SLC9C1: variants seen among roughly 807,000 people sequenced by gnomAD.
SLC9C1 encodes solute carrier family 9 member C1, also known as sodium/hydrogen exchanger 10.
Under a neutral mutation model 140.9 loss-of-function variants are expected in SLC9C1, and 97 were observed. The observed-to-expected ratio is 0.69, with a 90% CI of 0.58 to 0.82. The LOEUF (loss-of-function observed/expected upper bound fraction) is 0.82. Ranked by LOEUF, SLC9C1 falls within the 40% of genes least tolerant of loss-of-function variation. The pLI is 0.00. For synonymous variants in SLC9C1, 440 were observed against 442.6 expected (o/e 0.99, Z 0.07); for missense variants, 1,340 against 1,389.3 (o/e 0.96, Z 0.56).
In SLC9C1 at chr3:112,148,601, C is replaced by T. The variant is rs78768911; in HGVS notation, c.3524+3256G>A. On this transcript the variant is annotated intron_variant, in intron 28 of 28. Coordinates refer to ENST00000305815, the MANE Select transcript of SLC9C1 (RefSeq NM_183061.3). ...TTTTATATTGGGCTGTGCAGTTCAT[C>T]GTACAAGCCTGTAGATGGTACTTAC... 8.1e-3 allele frequency among the ~76,000 whole-genome samples: 1,229 copies of T among 152,236 alleles called. 12 individuals carry two copies. The highest frequency in any genetic ancestry group is 0.013 in the South Asian group (62 of 4,818).
chr3:112,240,110 T>C, intron 11 of SLC9C1, 104 bp from the exon 12 acceptor site: 1 of 1,090,686 alleles, frequency 9.2e-7, no homozygotes, highest in Non-Finnish European at 1.3e-6. Context: ...AATCTTTAAA[T>C]AAAATTTCAA....
intron 28 of SLC9C1, among the ~76,000 whole-genome samples, chr3:112,148,968 G>T (rs564846520): frequency 6.6e-6 from 1 of 152,158 alleles, no homozygotes; most frequent in Non-Finnish European, 1.5e-5. Flanking sequence ...TAATCTAGAA[G>T]AGTGGGTGCT....
At chr3:112,149,878 A>G (rs942540432) in intron 28 of SLC9C1, among the ~76,000 whole-genome samples, 3 of 151,966 alleles carry the variant, frequency 2.0e-5, no homozygotes, top group Admixed American at 2.0e-4. Context: ...TGAGTGCTCC[A>G]CATACCTGCA....
chr3:112,231,528 T>A, intron 12 of SLC9C1, 42 bp from the exon 13 acceptor site: 1 of 1,544,540 alleles, frequency 6.5e-7, no homozygotes, highest in Non-Finnish European at 8.8e-7. Flanking sequence ...TACATGAATA[T>A]TAACATATTG....
chr3:112,182,568 T>C (rs2077458740), intron 20 of SLC9C1, among the ~76,000 whole-genome samples: 1 of 152,180 alleles, frequency 6.6e-6, no homozygotes, highest in South Asian at 2.1e-4. Flanking sequence ...CTTAGGTAGT[T>C]TTCCCTATGA....
intron 13 of SLC9C1, among the ~76,000 whole-genome samples, chr3:112,226,318 T>A (rs2078681129): frequency 6.6e-6 from 1 of 152,114 alleles, no homozygotes; most frequent in African/African-American, 2.4e-5. Context: ...ATTAAGAAGG[T>A]AATTCTTTAT....
chr3:112,245,757 G>A (rs76822234), intron 10 of SLC9C1, among the ~76,000 whole-genome samples: 6,063 of 151,988 alleles, frequency 0.04, 188 homozygotes, highest in South Asian at 0.089. Context: ...AAATCTTCTG[G>A]GATTGGAATT....
chr3:112,158,256 T>C (rs1030020783), intron 26 of SLC9C1, among the ~76,000 whole-genome samples: 1 of 152,104 alleles, frequency 6.6e-6, no homozygotes, highest in East Asian at 1.9e-4. Context: ...TGAATACTTA[T>C]TCTGCATTTA....
chr3:112,151,991 A>T (rs770445835), intron 27 of SLC9C1, 28 bp from the exon 28 acceptor site: 1 of 1,552,490 alleles, frequency 6.4e-7, no homozygotes, highest in African/African-American at 1.4e-5. Flanking sequence ...TTGTTACTTG[A>T]TGTCATGATA....
chr3:112,259,074 G>A (rs1559724730), intron 10 of SLC9C1, among the ~76,000 whole-genome samples: 1 of 152,026 alleles, frequency 6.6e-6, no homozygotes, highest in Non-Finnish European at 1.5e-5. Flanking sequence ...ATGAGATTTG[G>A]GTGGGGACAC....
At chr3:112,171,803 A>T (rs2077251923) in intron 23 of SLC9C1, among the ~76,000 whole-genome samples, 1 of 152,210 alleles carries the variant, frequency 6.6e-6, no homozygotes, top group Non-Finnish European at 1.5e-5. Flanking sequence ...GTACATGGGG[A>T]TCAAGGTTCA....
intron 7 of SLC9C1, among the ~76,000 whole-genome samples, chr3:112,268,843 G>C (rs1576487351): frequency 6.6e-6 from 1 of 152,244 alleles, no homozygotes; most frequent in East Asian, 1.9e-4. Flanking sequence ...AGGTAACTAG[G>C]TGTTATCTTG....
At chr3:112,239,077 G>GT (rs2079070572) in intron 12 of SLC9C1, among the ~76,000 whole-genome samples, 1 of 152,220 alleles carries the variant, frequency 6.6e-6, no homozygotes, top group Admixed American at 6.5e-5. Flanking sequence ...GAGGCAGGCA[G>GT]GCCTCCTTGA....
intron 13 of SLC9C1, among the ~76,000 whole-genome samples, chr3:112,228,910 T>A (rs540440476): frequency 2.0e-5 from 3 of 151,986 alleles, no homozygotes. Flanking sequence ...ATAGCCAAGA[T>A]AAACAATCAA....
intron 19 of SLC9C1, among the ~76,000 whole-genome samples, chr3:112,199,760 A>G (rs1295045368): frequency 6.6e-6 from 1 of 152,016 alleles, no homozygotes; most frequent in Admixed American, 6.6e-5. Flanking sequence ...ACTGGACACT[A>G]GGAGGCTGCT....
intron 13 of SLC9C1, among the ~76,000 whole-genome samples, chr3:112,223,825 T>C (rs1329041484): frequency 6.6e-6 from 1 of 152,192 alleles, no homozygotes; most frequent in African/African-American, 2.4e-5. Context: ...ACTGAAGACA[T>C]ACAGATAAAT....
chr3:112,241,107 ATAATT>A (rs1162466371), intron 11 of SLC9C1, among the ~76,000 whole-genome samples: 3 of 152,314 alleles, frequency 2.0e-5, no homozygotes, highest in Middle Eastern at 3.4e-3. Context: ...CATTTTAAGA[ATAATT>A]TAAAGAGTCA....
chr3:112,293,112 C>CAAAAAAAAA (rs58937356), intron 1 of SLC9C1, among the ~76,000 whole-genome samples: 1 of 128,984 alleles, frequency 7.8e-6, no homozygotes, highest in Non-Finnish European at 1.6e-5. Flanking sequence ...ACTAAAAATA[C>CAAAAAAAAA]AAAAAAAAAA....
intron 2 of SLC9C1, among the ~76,000 whole-genome samples, chr3:112,283,312 G>A (rs1357103441): frequency 6.6e-6 from 1 of 151,978 alleles, no homozygotes; most frequent in African/African-American, 2.4e-5. Flanking sequence ...ATGAAATCCT[G>A]TCTCTACAAA....
Sources: gnomAD v4.1 joint callset for allele counts (sites outside exome capture counted in the v4.1 genomes callset) on GRCh38, gnomAD v4.1.1 for gene constraint, MANE v1.5 for transcripts, NCBI Gene and HGNC (gene_info 2026-07-23, HGNC 2026-07-21) for gene names.